Variants in BIRC6 observed in about 807,000 individuals in gnomAD.
BIRC6 encodes baculoviral IAP repeat containing 6.
BIRC6 carries 98 observed loss-of-function variants against 503.3 expected under a neutral mutation model. The ratio of observed to expected loss-of-function variants is 0.19; its 90% CI spans 0.17 to 0.23. The LOEUF (loss-of-function observed/expected upper bound fraction) is 0.23. Ranked by LOEUF, BIRC6 falls within the 10% of genes least tolerant of loss-of-function variation. The pLI, the probability that BIRC6 is intolerant of heterozygous loss-of-function variation, is 1.00. For synonymous variants in BIRC6, 2,240 were observed against 2,078.7 expected, an observed-to-expected ratio of 1.08 and a Z score of -2.11; for missense variants, 5,360 against 5,806.0, an observed-to-expected ratio of 0.92 and a Z score of 2.50.
intron 66 of BIRC6, chr2:32,590,729 C>A: frequency 1.1e-6 from 1 of 945,558 alleles, no homozygotes; most frequent in Non-Finnish European, 1.3e-6. Context: ...AGTTGGAATT[C>A]ACAGCATAGT....
At chr2:32,574,167 T>C (rs1326468324) in intron 65 of BIRC6, among the ~76,000 whole-genome samples, 4 of 150,876 alleles carry the variant, frequency 2.7e-5, no homozygotes, top group Admixed American at 6.6e-5. Context: ...TTTCTTTTTT[T>C]TTTTTTTTTT....
At chr2:32,499,192 T>C (rs2052853423) in intron 45 of BIRC6, among the ~76,000 whole-genome samples, 1 of 152,230 alleles carries the variant, frequency 6.6e-6, no homozygotes, top group Non-Finnish European at 1.5e-5. Flanking sequence ...TAGCGTTATT[T>C]GAGAATGGAA....
At chr2:32,465,041 A>AT (rs749253756) in intron 25 of BIRC6, 24 bp from the exon 26 acceptor site, 36,934 of 1,007,418 alleles carry the variant, frequency 0.037, 12 homozygotes, top group South Asian at 0.04. Flanking sequence ...ATAAAGTTAG[A>AT]TTTTTTTTTT....
At chr2:32,470,753 T>G (rs1372031552) in intron 31 of BIRC6, among the ~76,000 whole-genome samples, 4 of 152,238 alleles carry the variant, frequency 2.6e-5, no homozygotes, top group Admixed American at 2.0e-4. Context: ...CTTTCTAGTT[T>G]ATATAGTCCA....
intron 32 of BIRC6, 81 bp from the exon 33 acceptor site, chr2:32,473,031 G>GT (rs1237759895): frequency 6.4e-6 from 8 of 1,254,214 alleles, no homozygotes; most frequent in Admixed American, 3.0e-5. Context: ...GTATAACTGT[G>GT]TTTTTTGTTT....
At chr2:32,419,874 T>C (rs2042756028) in intron 10 of BIRC6, among the ~76,000 whole-genome samples, 1 of 152,214 alleles carries the variant, frequency 6.6e-6, no homozygotes, top group Non-Finnish European at 1.5e-5. Context: ...AAAACATTCC[T>C]TTAGTCTTCT....
intron 73 of BIRC6, among the ~76,000 whole-genome samples, chr2:32,613,348 C>T (rs182478580): frequency 6.6e-6 from 1 of 151,890 alleles, no homozygotes; most frequent in Non-Finnish European, 1.5e-5. Context: ...CCAGACCTGG[C>T]TAACTTTTGT....
Position 32,426,150 on chromosome 2 carries a change from C to G in BIRC6, c.2873-2996C>G, listed in dbSNP as rs568070149. Among the ~76,000 whole-genome samples the G allele has an allele frequency of 3.3e-5, 5 of 152,306 alleles. No homozygotes were observed. The East Asian group carries it at 7.7e-4, about 23-fold the overall frequency. ...GAAATCACTGGTCCCCGTGTTGATT[C>G]TGGTTTCTTTTTCTGATACTACTTT... On this transcript the variant is annotated intron_variant, in intron 10 of 73. Coordinates refer to ENST00000421745, the MANE Select transcript of BIRC6 (RefSeq NM_016252.4).
intron 50 of BIRC6, chr2:32,505,423 A>T (rs1489524979): frequency 2.0e-6 from 1 of 502,526 alleles, no homozygotes; most frequent in African/African-American, 1.9e-5. Context: ...AGTCTAAACA[A>T]ATATGTTCCA....
rs1342798050 is a variant in BIRC6 at position 32,477,264 on chromosome 2, T to C, written c.6853-104T>C. 4.1e-6 allele frequency: 5 copies of C among 1,231,532 alleles called. No homozygotes were observed. In the African/African-American group the frequency reaches 7.6e-5, roughly 19 times the overall value. 76.3% of individuals were successfully genotyped at this position (1,231,532 alleles called of 1,614,324 possible). A position where few individuals can be genotyped will look rare whatever the true frequency, so the allele number is the denominator to read the frequency against. On this transcript the variant is annotated intron_variant, in intron 34 of 73. Transcript: ENST00000421745. ...CAGTGTATCTAAAAATTTTGCTCTTTAGAAGTTGTAATATGGAGTGGATAT... is the reference window on the plus strand; with the variant it reads ...CAGTGTATCTAAAAATTTTGCTCTTCAGAAGTTGTAATATGGAGTGGATAT...
intron 10 of BIRC6, among the ~76,000 whole-genome samples, chr2:32,420,701 G>T (rs1450408009): frequency 6.6e-6 from 1 of 151,852 alleles, no homozygotes; most frequent in Non-Finnish European, 1.5e-5. Context: ...TAGTAGAGAT[G>T]AGGTTTTACT....
intron 39 of BIRC6, among the ~76,000 whole-genome samples, chr2:32,484,550 C>CAAA (rs1251134880): frequency 1.4e-5 from 1 of 69,632 alleles, no homozygotes; most frequent in African/African-American, 4.5e-5. Flanking sequence ...AACTCCAACT[C>CAAA]AAAAAAAAAA....
At position 32,582,108 on chromosome 2, in the gene BIRC6, C is replaced by T. The variant is rs181798163; in HGVS notation, c.13355+6742C>T. 5.5e-3 allele frequency among the ~76,000 whole-genome samples: 838 copies of T among 152,316 alleles called. 12 individuals are homozygous for T. The highest frequency in any genetic ancestry group is 0.019 in the African/African-American group (787 of 41,574). On this transcript the variant is annotated intron_variant, in intron 66 of 73. Transcript: ENST00000421745. The stretch of plus-strand genomic sequence containing the variant: ...TCCTGACCTCAAGTGATCTGCCCCC[C>T]TCCGCCTCCCAAAGTGTTGGGATTA...
chr2:32,576,577 C>G (rs1344570664), intron 66 of BIRC6, among the ~76,000 whole-genome samples: 1 of 152,062 alleles, frequency 6.6e-6, no homozygotes, highest in Admixed American at 6.5e-5. Flanking sequence ...ATTTACTTTG[C>G]TTTTTCTCAC....
At position 32,604,879 on chromosome 2, in the gene BIRC6, CTTTTT is replaced by C. The variant is rs1346733163; in HGVS notation, c.14070+1797_14070+1801del. 2.1e-5 allele frequency among the ~76,000 whole-genome samples: 3 copies of C among 145,992 alleles called. No individual in the cohort carries two copies. In the East Asian group the frequency reaches 5.9e-4, roughly 29 times the overall value. Reference sequence around the variant, plus strand: ...GTTATTTTTTTCTTTTTTCTTTTTTCTTTTTCTTTTCTTTTCTTTTTTTTTTTTTT... The same window carrying C: ...GTTATTTTTTTCTTTTTTCTTTTTTCCTTTTCTTTTCTTTTTTTTTTTTTT... On this transcript the variant is annotated intron_variant, in intron 71 of 73. Transcript: ENST00000421745.
chr2:32,514,271 T>C (rs1284444663), intron 54 of BIRC6, among the ~76,000 whole-genome samples: 1 of 151,824 alleles, frequency 6.6e-6, no homozygotes, highest in Non-Finnish European at 1.5e-5. Flanking sequence ...CACTGACCTA[T>C]GATGATGGCA....
chr2:32,516,705 AAATT>A (rs2055084637), intron 55 of BIRC6, among the ~76,000 whole-genome samples: 1 of 151,888 alleles, frequency 6.6e-6, no homozygotes, highest in Admixed American at 6.6e-5. Flanking sequence ...TTATCATAAT[AAATT>A]AAATCCTGAA....
At chr2:32,587,348 C>T in intron 66 of BIRC6, among the ~76,000 whole-genome samples, 1 of 152,128 alleles carries the variant, frequency 6.6e-6, no homozygotes. Context: ...GATTTCGCCA[C>T]TGCCCTCCAA....
Position 32,457,535 on chromosome 2 carries a change from G to GT in BIRC6, c.4753+3599dup, listed in dbSNP as rs1574347238. 2.0e-5 allele frequency among the ~76,000 whole-genome samples: 3 copies of GT among 151,948 alleles called. No individual in the cohort carries two copies. In the South Asian group the frequency reaches 6.2e-4, roughly 31 times the overall value. On this transcript the variant is annotated intron_variant, in intron 23 of 73. Coordinates refer to ENST00000421745, the MANE Select transcript of BIRC6 (RefSeq NM_016252.4). ...ATGTACTCTGATTCCAGAAGTATAT[G>GT]TTTTTTCCCATAATACATTATTAAT...
Sources: allele counts gnomAD v4.1 joint callset (sites outside exome capture counted in the v4.1 genomes callset), GRCh38; gene constraint gnomAD v4.1.1; transcripts MANE v1.5; gene names NCBI Gene and HGNC (gene_info 2026-07-23, HGNC 2026-07-21).